CHMP6: variants seen among roughly 807,000 people sequenced by gnomAD.
CHMP6 encodes the protein chromatin-modifying protein 6.
A neutral mutation model predicts 32.8 loss-of-function variants in CHMP6; 10 were observed. That is an observed-to-expected ratio of 0.30 (90% CI 0.19 to 0.52). CHMP6 has a LOEUF of 0.52. Ranked by LOEUF, CHMP6 falls within the 20% of genes least tolerant of loss-of-function variation. The pLI is 0.97. For missense variants in CHMP6, 269 were observed against 263.8 expected (o/e 1.02, Z -0.14); for synonymous variants, 123 against 105.8 (o/e 1.16, Z -1.00).
intron 7 of CHMP6, chr17:80,998,678 G>C (rs1168581000): frequency 1.5e-5 from 21 of 1,397,096 alleles, no homozygotes; most frequent in South Asian, 1.5e-5. Context: ...CTGGGGAAAG[G>C]CTTCTTTAGC....
At chr17:80,998,526 A>G (rs10871491) in intron 7 of CHMP6, 106 bp downstream of exon 7, 1,594,100 of 1,594,818 alleles carry the variant, frequency 1, 796,698 homozygotes, top group Middle Eastern at 1. Flanking sequence ...GGCCGTGGGC[A>G]AGCCCTGCTG....
At chr17:80,992,308 C>T (rs1346306443) in intron 1 of CHMP6, among the ~76,000 whole-genome samples, 1 of 151,992 alleles carries the variant, frequency 6.6e-6, no homozygotes, top group Non-Finnish European at 1.5e-5. Flanking sequence ...AGCCTGGCGG[C>T]CCGTCCGTGG....
rs2069621574 is a variant in CHMP6 at position 80,994,694 on chromosome 17, A to G, written c.173+4A>G. On this transcript the variant is annotated splice_donor_region_variant and intron_variant, in intron 2 of 7. Transcript: ENST00000325167. ...TGCTGCGGGACGGCAGGAAGGAGTGAGTGGGGCCCGGGCAGCGTGGGCACC... is the reference window on the plus strand; with the variant it reads ...TGCTGCGGGACGGCAGGAAGGAGTGGGTGGGGCCCGGGCAGCGTGGGCACC... 1 of 1,563,250 alleles carries G rather than the reference A, an allele frequency of 6.4e-7. No homozygotes were observed. Among genetic ancestry groups the G allele is most frequent in the African/African-American group, 1.4e-5 (1 of 73,490 alleles).
intron 4 of CHMP6, among the ~76,000 whole-genome samples, chr17:80,996,553 C>G (rs1229241220): frequency 6.6e-6 from 1 of 152,182 alleles, no homozygotes; most frequent in African/African-American, 2.4e-5. Flanking sequence ...GTGTGCCGGT[C>G]AAGCACAAGT....
At chr17:80,995,782 C>A in intron 4 of CHMP6, 24 bp downstream of exon 4, 1 of 1,608,468 alleles carries the variant, frequency 6.2e-7, no homozygotes, top group Non-Finnish European at 8.5e-7. Flanking sequence ...GGGCCAGGGG[C>A]ATGGAGGTGT....
At chr17:80,994,789 G>A (rs1314793039) in intron 2 of CHMP6, 99 bp downstream of exon 2, 3 of 202,366 alleles carry the variant, frequency 1.5e-5, no homozygotes, top group African/African-American at 2.2e-4. Context: ...CCCGGGCAGC[G>A]TGGGCACCCT....
intron 1 of CHMP6, among the ~76,000 whole-genome samples, chr17:80,993,982 G>A (rs946340983): frequency 1.3e-5 from 2 of 151,926 alleles, no homozygotes; most frequent in African/African-American, 4.8e-5. Context: ...GCATACTCTC[G>A]GCTCACTGCA....
chr17:80,992,352 G>A (rs1488824733), intron 1 of CHMP6, among the ~76,000 whole-genome samples: 1 of 151,762 alleles, frequency 6.6e-6, no homozygotes, highest in Non-Finnish European at 1.5e-5. Context: ...CCTGGCTCTG[G>A]GCCCGCGGGA....
chr17:80,999,044 G>A (rs2069663091), intron 7 of CHMP6, 54 bp from the exon 8 acceptor site: 2 of 1,606,256 alleles, frequency 1.2e-6, no homozygotes. Flanking sequence ...CCTCTCTGGA[G>A]GTCTCTGCCT....
intron 3 of CHMP6, 118 bp downstream of exon 3, chr17:80,995,224 C>A: frequency 5.2e-6 from 5 of 970,196 alleles, no homozygotes; most frequent in Non-Finnish European, 7.7e-6. Context: ...ATGCCTCGGG[C>A]TGAAGCTGAC....
At chr17:80,993,464 G>A (rs1396790118) in intron 1 of CHMP6, among the ~76,000 whole-genome samples, 3 of 152,172 alleles carry the variant, frequency 2.0e-5, no homozygotes, top group African/African-American at 4.8e-5. Flanking sequence ...GGCACGGCGA[G>A]GGGGAGACTC....
chr17:80,995,553 TCACC>T, intron 3 of CHMP6, 115 bp from the exon 4 acceptor site: 3 of 770,554 alleles, frequency 3.9e-6, no homozygotes, highest in Admixed American at 2.1e-5. Flanking sequence ...GTGTCAGGAG[TCACC>T]CTCACGCCCA....
chr17:80,998,460 C>A (rs770957857), intron 7 of CHMP6, 40 bp downstream of exon 7: 2 of 1,613,940 alleles, frequency 1.2e-6, no homozygotes, highest in Non-Finnish European at 1.7e-6. Flanking sequence ...TTGGAATTCG[C>A]AGGAGAAAAG....
chr17:80,992,077 C>T, intron 1 of CHMP6, 96 bp downstream of exon 1: 1 of 885,024 alleles, frequency 1.1e-6, no homozygotes, highest in Non-Finnish European at 1.5e-6. Context: ...CCTCGGCCCC[C>T]CGCGTTCGGA....
intron 3 of CHMP6, 56 bp from the exon 4 acceptor site, chr17:80,995,616 G>C: frequency 6.6e-7 from 1 of 1,523,396 alleles, no homozygotes; most frequent in Non-Finnish European, 9.1e-7. Context: ...CCCCAGGGCC[G>C]GGAGGAGGGC....
chr17:80,991,883 G>C lies in CHMP6; in HGVS notation c.-36G>C. 1 of 1,399,182 alleles carries C rather than the reference G, an allele frequency of 7.1e-7. No individual in the cohort carries two copies. The highest frequency in any genetic ancestry group is 9.4e-7 in the Non-Finnish European group (1 of 1,064,248). 86.7% of individuals were successfully genotyped at this position (1,399,182 alleles called of 1,614,324 possible). A position where few individuals can be genotyped will look rare whatever the true frequency, so the allele number is the denominator to read the frequency against. On this transcript the variant is annotated 5_prime_UTR_variant, in exon 1 of 8. Transcript: ENST00000325167. The stretch of plus-strand genomic sequence containing the variant: ...GGCCGCGGGGCGGCGGTGGCGATTG[G>C]ACTTGGTGGGTCCCGGGCCAGGGGC...
rs943305563 is a variant in CHMP6, at chr17:80,999,329, T to C, written c.*176T>C. 2 of 638,526 alleles carry C rather than the reference T, an allele frequency of 3.1e-6. No individual in the cohort carries two copies. Among genetic ancestry groups the C allele is most frequent in the African/African-American group, 1.8e-5 (1 of 54,630 alleles). 39.6% of individuals were successfully genotyped at this position (638,526 alleles called of 1,614,324 possible). ...GACTCCAGAGCGTCTCCTGGAGACC[T>C]TGAGCCTGAACGCACTCAGGCGCCA... On this transcript the variant is annotated 3_prime_UTR_variant, in exon 8 of 8. Transcript: ENST00000325167.
chr17:80,997,457 G>A lies in CHMP6; in HGVS notation c.495+116G>A, dbSNP rs985362034. On this transcript the variant is annotated intron_variant, in intron 6 of 7. Coordinates refer to ENST00000325167, the MANE Select transcript of CHMP6 (RefSeq NM_024591.5). Reference sequence around the variant, plus strand: ...GTATGTGGTGTCCTTTAAGTAAATAGTCTGCGGTTTGTGACTGGTTTTCCT... The same window carrying A: ...GTATGTGGTGTCCTTTAAGTAAATAATCTGCGGTTTGTGACTGGTTTTCCT... 11 of 606,372 alleles carry A rather than the reference G, an allele frequency of 1.8e-5. No individual in the cohort carries two copies. In the African/African-American group the frequency reaches 1.8e-4, roughly 10 times the overall value. The allele number at this position is 606,372 out of a possible 1,614,324, so 37.6% of individuals were successfully genotyped here.
In CHMP6 at chr17:80,991,893, G is replaced by T. The variant is rs1383282164; in HGVS notation, c.-26G>T. The T allele has an allele frequency of 6.9e-7, 1 of 1,440,504 alleles. No homozygotes were observed. Among genetic ancestry groups the T allele is most frequent in the Admixed American group, 2.4e-5 (1 of 42,512 alleles). The allele number at this position is 1,440,504 out of a possible 1,614,324, so 89.2% of individuals were successfully genotyped here. A position where few individuals can be genotyped will look rare whatever the true frequency, so the allele number is the denominator to read the frequency against. On this transcript the variant is annotated 5_prime_UTR_variant, in exon 1 of 8. Transcript: ENST00000325167. ...CGGCGGTGGCGATTGGACTTGGTGG[G>T]TCCCGGGCCAGGGGCGGGCGCCGCC...
Sources: gnomAD v4.1 joint callset for allele counts (sites outside exome capture counted in the v4.1 genomes callset) on GRCh38, gnomAD v4.1.1 for gene constraint, MANE v1.5 for transcripts, NCBI Gene and HGNC (gene_info 2026-07-23, HGNC 2026-07-21) for gene names.